EXOC6B: variants seen among roughly 807,000 people sequenced by gnomAD.
The protein encoded by EXOC6B is SEC15 homolog B.
A neutral mutation model predicts 113.5 loss-of-function variants in EXOC6B; 54 were observed. The ratio of observed to expected loss-of-function variants is 0.48; its 90% CI spans 0.38 to 0.60. EXOC6B has a LOEUF of 0.60. Ranked by LOEUF, EXOC6B falls within the 20% of genes least tolerant of loss-of-function variation. The pLI is 0.00. For synonymous variants in EXOC6B, 357 were observed against 339.0 expected (o/e 1.05, Z -0.58); for missense variants, 797 against 977.5 (o/e 0.82, Z 2.46).
At chr2:72,730,686 T>C (rs370145164) in intron 5 of EXOC6B, among the ~76,000 whole-genome samples, 16 of 152,152 alleles carry the variant, frequency 1.1e-4, no homozygotes, top group African/African-American at 3.1e-4. Context: ...CCAGTACTAT[T>C]TTCTTCAAGG....
At chr2:72,215,368 G>A (rs1378184315) in intron 20 of EXOC6B, among the ~76,000 whole-genome samples, 1 of 152,118 alleles carries the variant, frequency 6.6e-6, no homozygotes, top group Non-Finnish European at 1.5e-5. Context: ...GGCCAAAGCA[G>A]ATGGATCTTC....
At chr2:72,660,556 A>T (rs957171706) in intron 6 of EXOC6B, among the ~76,000 whole-genome samples, 1 of 152,230 alleles carries the variant, frequency 6.6e-6, no homozygotes, top group African/African-American at 2.4e-5. Context: ...TAACTATGGC[A>T]ACATCAAGAG....
chr2:72,503,688 C>A (rs1700450221), intron 11 of EXOC6B, among the ~76,000 whole-genome samples: 1 of 152,092 alleles, frequency 6.6e-6, no homozygotes, highest in South Asian at 2.1e-4. Flanking sequence ...AGTAAGTTTT[C>A]AACTCATTTG....
rs560243219 is a variant in EXOC6B, at chr2:72,252,943, A to T, written c.2197-68756T>A. ...AGCAATATGCTTCACTTACATATGGAAACTGCAGTGGATAATGGTGAACCT... is the reference window on the plus strand; with the variant it reads ...AGCAATATGCTTCACTTACATATGGTAACTGCAGTGGATAATGGTGAACCT... On this transcript the variant is annotated intron_variant, in intron 20 of 21. Coordinates refer to ENST00000272427, the MANE Select transcript of EXOC6B (RefSeq NM_015189.3). 5.9e-5 allele frequency among the ~76,000 whole-genome samples: 8 copies of T among 135,798 alleles called. No homozygotes were observed. In the South Asian group the frequency reaches 1.7e-3, roughly 29 times the overall value. The allele number at this position is 135,798 out of a possible 152,430, so 89.1% of individuals were successfully genotyped here.
intron 20 of EXOC6B, among the ~76,000 whole-genome samples, chr2:72,263,942 C>A (rs996649056): frequency 1.3e-5 from 2 of 152,188 alleles, no homozygotes; most frequent in African/African-American, 2.4e-5. Flanking sequence ...GCCAGACAGG[C>A]AGGCAGAATG....
At chr2:72,504,899 C>G (rs916901514) in intron 11 of EXOC6B, among the ~76,000 whole-genome samples, 2 of 152,052 alleles carry the variant, frequency 1.3e-5, no homozygotes, top group African/African-American at 2.4e-5. Flanking sequence ...CAGGTGGATT[C>G]CTTCTTTGGT....
chr2:72,643,617 G>A (rs1437231080), intron 6 of EXOC6B, among the ~76,000 whole-genome samples: 8 of 109,706 alleles, frequency 7.3e-5, no homozygotes, highest in African/African-American at 2.7e-4. Flanking sequence ...CTGTTGTGGG[G>A]TGGGGGGAGG....
At position 72,266,870 on chromosome 2, in the gene EXOC6B, C is replaced by T. The variant is rs1410116395; in HGVS notation, c.2196+68077G>A. On this transcript the variant is annotated intron_variant, in intron 20 of 21. Transcript: ENST00000272427. ...GCAGTATGGCCATTTTCACGATATTCATTCTTCCTACCCATGAGCATAGAA... is the reference window on the plus strand; with the variant it reads ...GCAGTATGGCCATTTTCACGATATTTATTCTTCCTACCCATGAGCATAGAA... Among the ~76,000 whole-genome samples the T allele has an allele frequency of 5.9e-5, 9 of 152,164 alleles. No homozygotes were observed. In the South Asian group the frequency reaches 1.9e-3, roughly 32 times the overall value.
chr2:72,381,941 T>C (rs1191563117), intron 18 of EXOC6B, among the ~76,000 whole-genome samples: 1 of 152,208 alleles, frequency 6.6e-6, no homozygotes, highest in Non-Finnish European at 1.5e-5. Context: ...ATCTTATTTG[T>C]AGCATAAAAA....
At chr2:72,400,603 A>T (rs1693070165) in intron 18 of EXOC6B, among the ~76,000 whole-genome samples, 1 of 152,004 alleles carries the variant, frequency 6.6e-6, no homozygotes, top group African/African-American at 2.4e-5. Flanking sequence ...AGAAAAAAAT[A>T]AATAACCCCA....
intron 8 of EXOC6B, among the ~76,000 whole-genome samples, chr2:72,532,993 A>T (rs1224432788): frequency 6.6e-6 from 1 of 152,208 alleles, no homozygotes; most frequent in Non-Finnish European, 1.5e-5. Context: ...AACTTTCCCT[A>T]AAATTATTCC....
In EXOC6B at chr2:72,695,260, A is replaced by T. The variant is rs117385176; in HGVS notation, c.669+22843T>A. Among the ~76,000 whole-genome samples the T allele has an allele frequency of 5.2e-4, 79 of 152,320 alleles. 1 individual carries two copies. The East Asian group carries it at 0.013, about 26-fold the overall frequency. ...ATTTTAGCAAGGCTTTTCTAGTAGT[A>T]AACTTAGTAAAAGCACAAAGCTCCT... On this transcript the variant is annotated intron_variant, in intron 6 of 21. Transcript: ENST00000272427.
At position 72,457,447 on chromosome 2, in the gene EXOC6B, G is replaced by T. The variant is rs187435158; in HGVS notation, c.1980+7713C>A. 2.0e-5 allele frequency among the ~76,000 whole-genome samples: 3 copies of T among 152,104 alleles called. No individual in the cohort carries two copies. The East Asian group carries it at 5.8e-4, about 29-fold the overall frequency. The stretch of plus-strand genomic sequence containing the variant: ...ACAAAGAAACTAGGAGAATTTCCAC[G>T]CTTAACCCACAAACCAAGGTCGGCT... On this transcript the variant is annotated intron_variant, in intron 18 of 21. Transcript: ENST00000272427.
intron 20 of EXOC6B, among the ~76,000 whole-genome samples, chr2:72,229,110 GTTGT>G (rs762092455): frequency 2.0e-5 from 3 of 152,068 alleles, no homozygotes. Context: ...TTTTGATGGG[GTTGT>G]TTGTTTTTTT....
At chr2:72,623,167 TA>T (rs1360995541) in intron 6 of EXOC6B, among the ~76,000 whole-genome samples, 1 of 152,086 alleles carries the variant, frequency 6.6e-6, no homozygotes, top group Non-Finnish European at 1.5e-5. Flanking sequence ...TATATAGAAA[TA>T]AAAAAATCCA....
chr2:72,254,109 G>A (rs773601080), intron 20 of EXOC6B, among the ~76,000 whole-genome samples: 5 of 151,080 alleles, frequency 3.3e-5, no homozygotes, highest in Non-Finnish European at 5.9e-5. Context: ...GCAGTGAGCC[G>A]AGATCACACC....
intron 6 of EXOC6B, among the ~76,000 whole-genome samples, chr2:72,609,161 C>G (rs751004358): frequency 1.3e-5 from 2 of 152,064 alleles, no homozygotes; most frequent in African/African-American, 4.8e-5. Flanking sequence ...ATCACAATAC[C>G]CTGTTGGAAG....
intron 6 of EXOC6B, among the ~76,000 whole-genome samples, chr2:72,580,418 C>T (rs1206933881): frequency 1.3e-5 from 2 of 152,114 alleles, no homozygotes; most frequent in Admixed American, 6.5e-5. Context: ...CCTGGGATTA[C>T]AGGTGTGAGC....
chr2:72,281,417 T>C (rs753568310), intron 20 of EXOC6B, among the ~76,000 whole-genome samples: 23 of 152,084 alleles, frequency 1.5e-4, no homozygotes, highest in Admixed American at 5.2e-4. Context: ...AAATAGACTT[T>C]AAAATAGAGA....
Sources: allele counts gnomAD v4.1 joint callset (sites outside exome capture counted in the v4.1 genomes callset), GRCh38; gene constraint gnomAD v4.1.1; transcripts MANE v1.5; gene names NCBI Gene and HGNC (gene_info 2026-07-23, HGNC 2026-07-21).